The following AFG2A variants were observed in gnomAD, a reference collection of about 807,000 sequenced individuals.
AFG2A encodes the protein ATPase family gene 2 protein homolog A.
chr4:122,980,417 C>T, the AFG2A span, among the ~76,000 whole-genome samples: 1 of 152,210 alleles, frequency 6.6e-6, no homozygotes, highest in Non-Finnish European at 1.5e-5. Context: ...TTGAGGGACA[C>T]TTAGATTGAT....
chr4:122,945,891 G>A, the AFG2A span, among the ~76,000 whole-genome samples: 1 of 152,214 alleles, frequency 6.6e-6, no homozygotes, highest in Admixed American at 6.5e-5. Flanking sequence ...TAACGTGTTA[G>A]TAATTTTAAG....
chr4:123,263,093 C>G, the AFG2A span, among the ~76,000 whole-genome samples: 2,274 of 152,288 alleles, frequency 0.015, 63 homozygotes, highest in African/African-American at 0.051. Flanking sequence ...TGAATATCAT[C>G]CGAACTTGCT....
chr4:122,946,520 A>AT, the AFG2A span, among the ~76,000 whole-genome samples: 58 of 148,964 alleles, frequency 3.9e-4, no homozygotes, highest in South Asian at 1.3e-3. Context: ...CTTTTTTTAA[A>AT]TTTTTTTTTT....
At chr4:123,256,282 A>G in the AFG2A span, 17 of 1,348,186 alleles carry the variant, frequency 1.3e-5, 1 homozygote, top group South Asian at 2.3e-4. Flanking sequence ...AAATGACCAT[A>G]CTAAGAAATC....
At chr4:122,999,184 G>A in the AFG2A span, among the ~76,000 whole-genome samples, 1 of 146,020 alleles carries the variant, frequency 6.8e-6, no homozygotes. Flanking sequence ...ATTTGTTTGA[G>A]TTCATTGTAG....
chr4:122,930,955 TGGC>T, the AFG2A span, among the ~76,000 whole-genome samples: 1 of 22,052 alleles, frequency 4.5e-5, no homozygotes. Flanking sequence ...GTTTTAAATG[TGGC>T]AGCAGAGTAT....
the AFG2A span, among the ~76,000 whole-genome samples, chr4:122,978,871 A>AAACT: frequency 6.6e-6 from 1 of 152,176 alleles, no homozygotes; most frequent in African/African-American, 2.4e-5. Flanking sequence ...GCAGGCAAAA[A>AAACT]GTTTTTCTGG....
At chr4:123,075,602 A>G in the AFG2A span, among the ~76,000 whole-genome samples, 1 of 152,106 alleles carries the variant, frequency 6.6e-6, no homozygotes, top group Non-Finnish European at 1.5e-5. Flanking sequence ...AGATGAGTAC[A>G]TGTTAATAGA....
chr4:122,973,792 A>C, the AFG2A span, among the ~76,000 whole-genome samples: 1 of 152,144 alleles, frequency 6.6e-6, no homozygotes, highest in African/African-American at 2.4e-5. Flanking sequence ...CTGGGCTCAA[A>C]CAGTCATTGC....
At chr4:123,259,102 G>C in the AFG2A span, among the ~76,000 whole-genome samples, 1 of 152,022 alleles carries the variant, frequency 6.6e-6, no homozygotes, top group African/African-American at 2.4e-5. Context: ...CCTGACCTCA[G>C]GTGATCCGCC....
the AFG2A span, among the ~76,000 whole-genome samples, chr4:123,011,466 G>A: frequency 1.3e-5 from 2 of 152,140 alleles, no homozygotes; most frequent in African/African-American, 4.8e-5. Flanking sequence ...TTACATATTG[G>A]TTTCACTCGC....
the AFG2A span, among the ~76,000 whole-genome samples, chr4:123,305,647 T>C: frequency 6.6e-6 from 1 of 152,170 alleles, no homozygotes; most frequent in Non-Finnish European, 1.5e-5. Context: ...TTCCTGTTGA[T>C]TAGTTTTTGG....
chr4:123,279,417 A>C, the AFG2A span, among the ~76,000 whole-genome samples: 1 of 12,090 alleles, frequency 8.3e-5, no homozygotes, highest in Non-Finnish European at 4.5e-4. Context: ...CTCAAAAAAC[A>C]AAAAAAAAAA....
At chr4:123,193,244 T>C in the AFG2A span, among the ~76,000 whole-genome samples, 5 of 152,350 alleles carry the variant, frequency 3.3e-5, no homozygotes, top group African/African-American at 1.2e-4. Flanking sequence ...TTTATGCACG[T>C]ACACATTAGC....
At chr4:122,970,709 C>A in the AFG2A span, among the ~76,000 whole-genome samples, 1 of 151,868 alleles carries the variant, frequency 6.6e-6, no homozygotes, top group African/African-American at 2.4e-5. Context: ...GTATAGTAGG[C>A]CATACCATCT....
chr4:123,062,577 G>A, the AFG2A span, among the ~76,000 whole-genome samples: 1 of 152,070 alleles, frequency 6.6e-6, no homozygotes, highest in Non-Finnish European at 1.5e-5. Context: ...TAAGCCATAT[G>A]GTATAGCAAT....
the AFG2A span, among the ~76,000 whole-genome samples, chr4:123,167,850 A>G: frequency 6.6e-6 from 1 of 152,204 alleles, no homozygotes; most frequent in Admixed American, 6.5e-5. Context: ...ACTTTATTGT[A>G]AGATCTTCAG....
the AFG2A span, among the ~76,000 whole-genome samples, chr4:123,176,201 T>C: frequency 6.6e-6 from 1 of 152,230 alleles, no homozygotes; most frequent in East Asian, 1.9e-4. Context: ...TGGAGAGTGT[T>C]CATATTTTGT....
At chr4:123,152,010 A>G in the AFG2A span, among the ~76,000 whole-genome samples, 3 of 152,200 alleles carry the variant, frequency 2.0e-5, no homozygotes, top group African/African-American at 7.2e-5. Context: ...CATCATTCCC[A>G]GCAAACTAAC....
Sources: allele counts gnomAD v4.1 joint callset (sites outside exome capture counted in the v4.1 genomes callset), GRCh38; gene constraint gnomAD v4.1.1; transcripts MANE v1.5; gene names NCBI Gene and HGNC (gene_info 2026-07-23, HGNC 2026-07-21).